Variants in ZDHHC13 observed in about 807,000 individuals in gnomAD.
ZDHHC13 encodes the protein zDHHC palmitoyltransferase 13, also known as palmitoyltransferase ZDHHC13.
In ZDHHC13, 85 loss-of-function variants were observed where a neutral mutation model predicts 86.0. The observed-to-expected ratio is 0.99, with a 90% CI of 0.83 to 1.18. ZDHHC13 has a LOEUF of 1.18. Ranked by LOEUF, ZDHHC13 falls within the 50% of genes most tolerant of loss-of-function variation. The pLI, the probability that ZDHHC13 is intolerant of heterozygous loss-of-function variation, is 0.00. For missense variants in ZDHHC13, 711 were observed against 730.2 expected (o/e 0.97, Z 0.30); for synonymous variants, 263 against 246.4 (o/e 1.07, Z -0.63).
chr11:19,146,407 G>A, intron 3 of ZDHHC13, 104 bp downstream of exon 3: 2 of 1,317,838 alleles, frequency 1.5e-6, no homozygotes, highest in Non-Finnish European at 2.0e-6. Context: ...TAATCCTCGT[G>A]TAAAAGAACA....
chr11:19,123,817 T>TAGC (rs940588234), intron 1 of ZDHHC13, among the ~76,000 whole-genome samples: 8 of 152,032 alleles, frequency 5.3e-5, no homozygotes, highest in African/African-American at 1.9e-4. Context: ...TCAGACTCAT[T>TAGC]AGCAACTAGG....
intron 11 of ZDHHC13, 164 bp from the exon 12 acceptor site, chr11:19,164,137 G>A (rs1590088651): frequency 6.2e-6 from 4 of 644,148 alleles, no homozygotes; most frequent in African/African-American, 3.7e-5. Flanking sequence ...ATGCAACCTT[G>A]AAGAGTCACA....
intron 16 of ZDHHC13, among the ~76,000 whole-genome samples, chr11:19,173,697 T>C (rs1470306578): frequency 6.6e-6 from 1 of 152,232 alleles, no homozygotes; most frequent in African/African-American, 2.4e-5. Context: ...CTTGTGATGA[T>C]TGTTTCACAT....
chr11:19,161,443 A>G (rs1849908659), intron 10 of ZDHHC13, among the ~76,000 whole-genome samples: 1 of 151,960 alleles, frequency 6.6e-6, no homozygotes. Flanking sequence ...CTAATATTTT[A>G]TTATTAATTA....
Position 19,169,973 on chromosome 11 carries a change from G to T in ZDHHC13, c.1475-438G>T, listed in dbSNP as rs532814488. On this transcript the variant is annotated intron_variant, in intron 14 of 16. Transcript: ENST00000446113. ...GTATTCTGATGATATCTAGGTGCTT[G>T]TGGGATATCTTGTGCCCACAGCAAT... 4.8e-4 allele frequency: 477 copies of T among 996,680 alleles called. 1 individual carries two copies. The highest frequency in any genetic ancestry group is 2.6e-3 in the Middle Eastern group (5 of 1,952). The allele number at this position is 996,680 out of a possible 1,614,324, so 61.7% of individuals were successfully genotyped here. A position where few individuals can be genotyped will look rare whatever the true frequency, so the allele number is the denominator to read the frequency against.
rs141606849 is a variant in ZDHHC13, at chr11:19,141,527, A to C, written c.28-1451A>C. On this transcript the variant is annotated intron_variant, in intron 1 of 16. Coordinates refer to ENST00000446113, the MANE Select transcript of ZDHHC13 (RefSeq NM_019028.3). The stretch of plus-strand genomic sequence containing the variant: ...ACCAAATATTTTAGCAAAGTTGTCA[A>C]CAAGTGTCAAAATTGCTCATCTTAA... Among the ~76,000 whole-genome samples, 1,043 of 152,250 alleles carry C rather than the reference A, an allele frequency of 6.9e-3. 9 individuals are homozygous for C. Among genetic ancestry groups the C allele is most frequent in the African/African-American group, 0.024 (983 of 41,542 alleles).
chr11:19,126,519 TTTTTTTTTTTA>T (rs1848882391), intron 1 of ZDHHC13, among the ~76,000 whole-genome samples: 1 of 145,904 alleles, frequency 6.9e-6, no homozygotes, highest in African/African-American at 2.5e-5. Flanking sequence ...TTTTTTTTTT[TTTTTTTTTTTA>T]GTAGAGACGG....
intron 14 of ZDHHC13, chr11:19,168,337 A>G (rs1329224381): frequency 6.6e-6 from 1 of 152,108 alleles, no homozygotes; most frequent in Non-Finnish European, 1.5e-5. Flanking sequence ...CTTCACTAAA[A>G]ATAGTCACCT....
intron 8 of ZDHHC13, among the ~76,000 whole-genome samples, chr11:19,153,380 G>C (rs1344374692): frequency 6.6e-6 from 1 of 152,146 alleles, no homozygotes; most frequent in East Asian, 1.9e-4. Flanking sequence ...TGATTCCACT[G>C]TTTCTAGTGT....
intron 2 of ZDHHC13, 124 bp downstream of exon 2, chr11:19,143,247 C>G (rs1164674141): frequency 1.9e-6 from 2 of 1,040,440 alleles, no homozygotes; most frequent in East Asian, 2.6e-5. Context: ...AACACCAGCA[C>G]CAGTATATTT....
intron 5 of ZDHHC13, among the ~76,000 whole-genome samples, 180 bp downstream of exon 5, chr11:19,149,511 G>A (rs1849555260): frequency 1.3e-5 from 2 of 152,300 alleles, no homozygotes; most frequent in Non-Finnish European, 2.9e-5. Context: ...GGAGGGAAAA[G>A]GACAGGTCAT....
chr11:19,161,358 A>G (rs1849906120), intron 10 of ZDHHC13, among the ~76,000 whole-genome samples: 1 of 152,028 alleles, frequency 6.6e-6, no homozygotes. Context: ...AAACAAGCTC[A>G]TGGTGTGGCT....
chr11:19,175,774 A>G (rs748832075), intron 16 of ZDHHC13, 48 bp from the exon 17 acceptor site: 2 of 1,594,616 alleles, frequency 1.3e-6, no homozygotes, highest in Admixed American at 3.5e-5. Context: ...TTGTCAAGCT[A>G]CACAGGAAAT....
intron 6 of ZDHHC13, 72 bp from the exon 7 acceptor site, chr11:19,152,086 T>A: frequency 1.3e-6 from 2 of 1,491,612 alleles, no homozygotes; most frequent in Non-Finnish European, 1.8e-6. Flanking sequence ...CTTAAAAGAT[T>A]CATAATTTGC....
rs772483321 is a variant in ZDHHC13 at position 19,152,167 on chromosome 11, A to G, written c.594A>G (p.Pro198=). 2.5e-6 allele frequency: 4 copies of G among 1,612,780 alleles called. No homozygotes were observed. ...LSAHKVIGPE[P]TGFLLKFNPS... ...TATTATTTTGAGACAGGCCAGAACCAACTGGATTTCTTTTAAAGTTTAATC... is the reference window on the plus strand; with the variant it reads ...TATTATTTTGAGACAGGCCAGAACCGACTGGATTTCTTTTAAAGTTTAATC... The change falls in exon 7 of 17, where the codon CCA becomes CCG. Residue 198 remains proline, a synonymous_variant. Coordinates refer to ENST00000446113, the MANE Select transcript of ZDHHC13 (RefSeq NM_019028.3).
intron 1 of ZDHHC13, among the ~76,000 whole-genome samples, chr11:19,130,725 A>G (rs924619679): frequency 6.6e-6 from 1 of 152,158 alleles, no homozygotes; most frequent in African/African-American, 2.4e-5. Context: ...GCTGCATACT[A>G]AGCTCTTTAA....
intron 13 of ZDHHC13, 46 bp from the exon 14 acceptor site, chr11:19,166,256 A>G (rs1850063107): frequency 6.0e-6 from 9 of 1,507,782 alleles, no homozygotes; most frequent in Non-Finnish European, 8.1e-6. Context: ...GTTGAAAATC[A>G]GAAGAAACGA....
chr11:19,121,382 A>T (rs1254931905), intron 1 of ZDHHC13, among the ~76,000 whole-genome samples: 1 of 152,198 alleles, frequency 6.6e-6, no homozygotes, highest in African/African-American at 2.4e-5. Flanking sequence ...CCTAACTAGA[A>T]TATAAGTTCC....
chr11:19,175,677 C>A, intron 16 of ZDHHC13, 145 bp from the exon 17 acceptor site: 1 of 866,174 alleles, frequency 1.2e-6, no homozygotes, highest in Non-Finnish European at 1.7e-6. Flanking sequence ...ACCAGAAGCC[C>A]AGGAACTATC....
Sources: gnomAD v4.1 joint callset for allele counts (sites outside exome capture counted in the v4.1 genomes callset) on GRCh38, gnomAD v4.1.1 for gene constraint, MANE v1.5 for transcripts, NCBI Gene and HGNC (gene_info 2026-07-23, HGNC 2026-07-21) for gene names.